Variants in COL4A4 observed in about 807,000 individuals in gnomAD.
COL4A4 encodes collagen alpha-4(IV) chain.
In COL4A4, 105 loss-of-function variants were observed where a neutral mutation model predicts 192.9. The observed-to-expected ratio is 0.54, with a 90% CI of 0.46 to 0.64. The LOEUF (loss-of-function observed/expected upper bound fraction) is 0.64. Ranked by LOEUF, COL4A4 falls within the 30% of genes least tolerant of loss-of-function variation. The pLI is 0.00. For missense variants in COL4A4, 1,967 were observed against 2,169.3 expected, an observed-to-expected ratio of 0.91 and a Z score of 1.85; for synonymous variants, 762 against 769.9, an observed-to-expected ratio of 0.99 and a Z score of 0.17.
intron 40 of COL4A4, 80 bp from the exon 41 acceptor site, chr2:227,030,678 AAAAC>A: frequency 8.9e-7 from 1 of 1,118,634 alleles, no homozygotes; most frequent in Non-Finnish European, 1.3e-6. Context: ...CTTCCGAAGA[AAAAC>A]AATTCAATGA....
chr2:227,030,187 A>G (rs1967973888), intron 41 of COL4A4, among the ~76,000 whole-genome samples: 1 of 152,102 alleles, frequency 6.6e-6, no homozygotes, highest in Admixed American at 6.6e-5. Flanking sequence ...TGTGGCTTGC[A>G]TTACATTTCT....
chr2:227,073,017 T>C (rs2058810721), intron 25 of COL4A4, among the ~76,000 whole-genome samples: 1 of 152,070 alleles, frequency 6.6e-6, no homozygotes, highest in East Asian at 1.9e-4. Context: ...ACCACTCCTA[T>C]TCAACATAGT....
At chr2:227,025,719 C>T in intron 43 of COL4A4, 83 bp downstream of exon 43, 1 of 1,252,956 alleles carries the variant, frequency 8.0e-7, no homozygotes, top group South Asian at 1.2e-5. Flanking sequence ...GTTTAGCTCA[C>T]ACATACAGAG....
chr2:227,074,168 T>C (rs2058886188), intron 25 of COL4A4, among the ~76,000 whole-genome samples: 1 of 151,964 alleles, frequency 6.6e-6, no homozygotes, highest in Admixed American at 6.6e-5. Context: ...AGGGCCAGTA[T>C]GCGGAATCTA....
chr2:227,092,922 T>A (rs2060016681), intron 20 of COL4A4, among the ~76,000 whole-genome samples: 1 of 152,212 alleles, frequency 6.6e-6, no homozygotes, highest in South Asian at 2.1e-4. Context: ...GCAATACAAG[T>A]ACATTGAATG....
chr2:227,121,480 C>G (rs561290674), intron 4 of COL4A4, among the ~76,000 whole-genome samples: 1 of 149,472 alleles, frequency 6.7e-6, no homozygotes, highest in African/African-American at 2.5e-5. Context: ...TGGAGAATCA[C>G]TTGAGCCTAG....
At chr2:227,036,994 A>T (rs1969818166) in intron 37 of COL4A4, among the ~76,000 whole-genome samples, 1 of 152,036 alleles carries the variant, frequency 6.6e-6, no homozygotes, top group Non-Finnish European at 1.5e-5. Context: ...TTAGGTTTTC[A>T]TTATTTCAAT....
At chr2:227,144,064 G>A (rs1030491467) in intron 3 of COL4A4, among the ~76,000 whole-genome samples, 9 of 152,244 alleles carry the variant, frequency 5.9e-5, no homozygotes, top group African/African-American at 2.2e-4. Flanking sequence ...ATCAACCTGA[G>A]TTGCAGGCAG....
At position 227,042,161 on chromosome 2, in the gene COL4A4, A is replaced by T. The variant is rs771880741; in HGVS notation, c.3492T>A (p.Pro1164=). 4 of 1,604,972 alleles carry T rather than the reference A, an allele frequency of 2.5e-6. No individual in the cohort carries two copies. Among genetic ancestry groups the T allele is most frequent in the Non-Finnish European group, 3.4e-6 (4 of 1,171,794 alleles). ...GLQGDPGIPG[P]PGIKGPSGSP... ...ATTTTGACTTACCTTTTATTCCCGGAGGACCTGGTATCCCTGGATCCCCCT... is the reference window on the plus strand; with the variant it reads ...ATTTTGACTTACCTTTTATTCCCGGTGGACCTGGTATCCCTGGATCCCCCT... The change falls in exon 37 of 48, where the codon CCT becomes CCA. Residue 1164 remains proline (P), a synonymous_variant. Coordinates refer to ENST00000396625, the MANE Select transcript of COL4A4 (RefSeq NM_000092.5).
chr2:227,013,881 G>A, intron 44 of COL4A4, among the ~76,000 whole-genome samples: 1 of 151,936 alleles, frequency 6.6e-6, no homozygotes, highest in East Asian at 1.9e-4. Context: ...CCACCCTACT[G>A]AGGGACCAGC....
At chr2:227,065,420 G>C (rs937507221) in intron 25 of COL4A4, among the ~76,000 whole-genome samples, 17 of 152,188 alleles carry the variant, frequency 1.1e-4, no homozygotes, top group Non-Finnish European at 1.6e-4. Flanking sequence ...TCCACCTCTG[G>C]GGGCAGGGCA....
chr2:227,056,009 T>C lies in COL4A4; in HGVS notation c.2652A>G (p.Pro884=), dbSNP rs1434155421. The change falls in exon 30 of 48, where the codon CCA becomes CCG. Residue 884 remains proline, a synonymous_variant. Coordinates refer to ENST00000396625, the MANE Select transcript of COL4A4 (RefSeq NM_000092.5). ...AGGGACCTGGGATTCCTGGGAGGCC[T>C]GGGGGACCATGTGCCCCAGGCCGTC... ...LPGRPGAHGP[P]GLPGIPGPFG... is the part of the protein sequence containing the mutation. 1 of 1,613,758 alleles carries C rather than the reference T, an allele frequency of 6.2e-7. No homozygotes were observed. Among genetic ancestry groups the C allele is most frequent in the African/African-American group, 1.3e-5 (1 of 74,868 alleles).
intron 28 of COL4A4, 36 bp downstream of exon 28, chr2:227,059,369 G>T: frequency 6.4e-7 from 1 of 1,560,632 alleles, no homozygotes; most frequent in Non-Finnish European, 8.8e-7. Flanking sequence ...AACTGAGCCA[G>T]CTCTATGCAC....
intron 31 of COL4A4, among the ~76,000 whole-genome samples, chr2:227,052,788 C>T (rs1974406616): frequency 6.6e-6 from 1 of 152,158 alleles, no homozygotes. Context: ...TCCATATCTC[C>T]TCCTAGCCAT....
intron 44 of COL4A4, among the ~76,000 whole-genome samples, chr2:227,013,286 G>C (rs1042265303): frequency 1.3e-5 from 2 of 151,220 alleles, no homozygotes; most frequent in Admixed American, 6.6e-5. Flanking sequence ...TTCTCTCTCT[G>C]TCTCTCTCTC....
intron 4 of COL4A4, among the ~76,000 whole-genome samples, chr2:227,132,633 G>A (rs557067125): frequency 4.3e-4 from 66 of 152,104 alleles, no homozygotes; most frequent in Middle Eastern, 3.4e-3. Flanking sequence ...AAAATTAGCC[G>A]GGCATGGTGG....
chr2:227,149,775 T>C (rs2063797847), intron 1 of COL4A4, among the ~76,000 whole-genome samples: 1 of 152,212 alleles, frequency 6.6e-6, no homozygotes, highest in Non-Finnish European at 1.5e-5. Flanking sequence ...TAGAGTGTTG[T>C]TGTGGTCACG....
chr2:227,002,498 C>G (rs1226591185), downstream of COL4A4, among the ~76,000 whole-genome samples: 3 of 152,194 alleles, frequency 2.0e-5, no homozygotes, highest in African/African-American at 7.2e-5. Flanking sequence ...CAGACCTTCC[C>G]CCTGAGGCCT....
chr2:227,121,179 T>C (rs1300681986), intron 4 of COL4A4, 31 bp from the exon 5 acceptor site: 1 of 1,610,316 alleles, frequency 6.2e-7, no homozygotes, highest in East Asian at 2.2e-5. Flanking sequence ...GAAATGGGGG[T>C]GCAATTCTTA....
Sources: gnomAD v4.1 joint callset for allele counts (sites outside exome capture counted in the v4.1 genomes callset) on GRCh38, gnomAD v4.1.1 for gene constraint, MANE v1.5 for transcripts, NCBI Gene and HGNC (gene_info 2026-07-23, HGNC 2026-07-21) for gene names.